The following OGDH variants were observed in gnomAD, a reference collection of about 807,000 sequenced individuals.
The protein encoded by OGDH is 2-oxoglutarate dehydrogenase complex component E1.
OGDH carries 38 observed loss-of-function variants against 116.6 expected under a neutral mutation model. That is an observed-to-expected ratio of 0.33 (90% CI 0.25 to 0.43). OGDH has a LOEUF of 0.43. Ranked by LOEUF, OGDH falls within the 20% of genes least tolerant of loss-of-function variation. The pLI is 1.00. For synonymous variants in OGDH, 488 were observed against 533.3 expected, an observed-to-expected ratio of 0.92 and a Z score of 1.17; for missense variants, 825 against 1,357.2, an observed-to-expected ratio of 0.61 and a Z score of 6.16.
chr7:44,667,700 C>T (rs898103979), intron 5 of OGDH, among the ~76,000 whole-genome samples: 1 of 152,138 alleles, frequency 6.6e-6, no homozygotes, highest in Non-Finnish European at 1.5e-5. Context: ...GACTTCTATG[C>T]CCATTGCAGA....
chr7:44,647,330 G>T lies in OGDH; in HGVS notation c.415-327G>T, dbSNP rs978661731. The T allele has an allele frequency of 6.0e-6, 4 of 669,456 alleles. No homozygotes were observed. The African/African-American group carries it at 7.3e-5, about 12-fold the overall frequency. 41.5% of individuals were successfully genotyped at this position (669,456 alleles called of 1,614,324 possible). A position where few individuals can be genotyped will look rare whatever the true frequency, so the allele number is the denominator to read the frequency against. On this transcript the variant is annotated intron_variant, in intron 3 of 22. Transcript: ENST00000222673. ...TTTAAAAACTAATTTTGTCGTATGG[G>T]TTTATTGGTGCTGTGTTCCTCTTTG...
chr7:44,630,419 A>G (rs1785389316), intron 2 of OGDH, among the ~76,000 whole-genome samples: 1 of 152,200 alleles, frequency 6.6e-6, no homozygotes. Context: ...TCTGCAGAAC[A>G]CTTTGGTGCC....
At chr7:44,634,820 A>G (rs1438186229) in intron 2 of OGDH, among the ~76,000 whole-genome samples, 1 of 152,234 alleles carries the variant, frequency 6.6e-6, no homozygotes, top group Admixed American at 6.5e-5. Context: ...TCCAGAGTCC[A>G]GCTCTACCAT....
chr7:44,695,252 C>T (rs1244748815), intron 12 of OGDH, among the ~76,000 whole-genome samples: 8 of 152,122 alleles, frequency 5.3e-5, no homozygotes, highest in East Asian at 1.9e-4. Context: ...CGAGCCACCA[C>T]GCCTAGCTAA....
At chr7:44,620,005 T>G (rs1653729706) in intron 1 of OGDH, among the ~76,000 whole-genome samples, 1 of 152,194 alleles carries the variant, frequency 6.6e-6, no homozygotes, top group African/African-American at 2.4e-5. Flanking sequence ...ATAAGTTCTT[T>G]GAAGCACAAA....
chr7:44,651,404 G>A (rs1312833646), intron 4 of OGDH, among the ~76,000 whole-genome samples: 1 of 152,174 alleles, frequency 6.6e-6, no homozygotes, highest in Non-Finnish European at 1.5e-5. Flanking sequence ...AGGAGAGACT[G>A]TACAGACACA....
At chr7:44,703,090 G>A (rs1218102808) in intron 20 of OGDH, among the ~76,000 whole-genome samples, 1 of 152,030 alleles carries the variant, frequency 6.6e-6, no homozygotes, top group East Asian at 1.9e-4. Context: ...GTCCATCCAT[G>A]TTGTGTAGCA....
In OGDH at chr7:44,694,027, C is replaced by G. The variant is rs754617744; in HGVS notation, c.1515+23C>G. 6 of 1,594,796 alleles carry G rather than the reference C, an allele frequency of 3.8e-6. No homozygotes were observed. The highest frequency in any genetic ancestry group is 3.4e-5 in the Admixed American group (2 of 59,284). ...TTGGTGAGTGACTCTGGGGACAGCA[C>G]GTCCTGGGCAGAGCATCTGACCCAC... On this transcript the variant is annotated intron_variant, in intron 11 of 22. Transcript: ENST00000222673. This position sits in a 1 kb window ranked among gnomAD's most constrained non-coding sequence, Gnocchi z 4.2.
intron 4 of OGDH, among the ~76,000 whole-genome samples, chr7:44,648,213 A>G (rs1204388041): frequency 2.0e-5 from 3 of 152,100 alleles, no homozygotes; most frequent in South Asian, 4.1e-4. Context: ...CCCTTAGGGG[A>G]CGAATTCTAG....
chr7:44,680,993 G>A (rs1787907333), intron 9 of OGDH, among the ~76,000 whole-genome samples: 2 of 152,192 alleles, frequency 1.3e-5, no homozygotes, highest in Non-Finnish European at 2.9e-5. Flanking sequence ...CAAGGGAGAA[G>A]GGAAAGCTCT....
intron 13 of OGDH, 77 bp from the exon 14 acceptor site, chr7:44,696,352 A>G: frequency 1.3e-6 from 2 of 1,549,680 alleles, no homozygotes; most frequent in East Asian, 2.2e-5. Flanking sequence ...CTTCTCCCCA[A>G]AATCACGTGT....
intron 4 of OGDH, among the ~76,000 whole-genome samples, chr7:44,651,471 T>A (rs1019739497): frequency 6.6e-6 from 1 of 152,230 alleles, no homozygotes; most frequent in African/African-American, 2.4e-5. Context: ...ATGGACACAC[T>A]CTTGCCCTCA....
intron 2 of OGDH, among the ~76,000 whole-genome samples, chr7:44,626,726 G>A (rs535129077): frequency 6.6e-6 from 1 of 152,254 alleles, no homozygotes; most frequent in Non-Finnish European, 1.5e-5. Context: ...TTTTTGTGGG[G>A]GCATGGTGGC....
chr7:44,672,644 GTTT>G (rs539935339), intron 5 of OGDH, among the ~76,000 whole-genome samples: 1 of 134,026 alleles, frequency 7.5e-6, no homozygotes. Flanking sequence ...TTTGTTTTTT[GTTT>G]TTTTTTTTTT....
In OGDH at chr7:44,694,068, C is replaced by T; in HGVS notation, c.1515+64C>T. 1 of 1,514,244 alleles carries T rather than the reference C, an allele frequency of 6.6e-7. No individual in the cohort carries two copies. The highest frequency in any genetic ancestry group is 1.3e-5 in the South Asian group (1 of 79,024). 93.8% of individuals were successfully genotyped at this position (1,514,244 alleles called of 1,614,324 possible). A position where few individuals can be genotyped will look rare whatever the true frequency, so the allele number is the denominator to read the frequency against. On this transcript the variant is annotated intron_variant, in intron 11 of 22. Transcript: ENST00000222673. This position sits in a 1 kb window ranked among gnomAD's most constrained non-coding sequence, Gnocchi z 4.2. The stretch of plus-strand genomic sequence containing the variant: ...TCTGACCCACCCCTCTTGCCCTCGG[C>T]ACCCCTGTGTCCCAAGGAGAGGAGC...
At chr7:44,638,426 C>T (rs1785772477) in intron 2 of OGDH, among the ~76,000 whole-genome samples, 1 of 152,180 alleles carries the variant, frequency 6.6e-6, no homozygotes, top group African/African-American at 2.4e-5. Context: ...CTTAGGTCTT[C>T]AGTGTGTTTG....
At chr7:44,627,389 G>A (rs935431268) in intron 2 of OGDH, among the ~76,000 whole-genome samples, 3 of 152,186 alleles carry the variant, frequency 2.0e-5, no homozygotes, top group African/African-American at 7.2e-5. Flanking sequence ...AGCCTTAGAG[G>A]CATTTCACTT....
At chr7:44,631,531 AACTG>A (rs1350792555) in intron 2 of OGDH, among the ~76,000 whole-genome samples, 1 of 152,236 alleles carries the variant, frequency 6.6e-6, no homozygotes, top group Non-Finnish European at 1.5e-5. Context: ...AAATCAGCTA[AACTG>A]ACTGAGTGCG....
At chr7:44,626,874 C>G (rs2117308606) in intron 2 of OGDH, among the ~76,000 whole-genome samples, 1 of 152,306 alleles carries the variant, frequency 6.6e-6, no homozygotes, top group East Asian at 1.9e-4. Flanking sequence ...CTCCAGCAAT[C>G]CCGGTTGTCA....
Sources: gnomAD v4.1 joint callset for allele counts (sites outside exome capture counted in the v4.1 genomes callset) on GRCh38, gnomAD v4.1.1 for gene constraint, Gnocchi (gnomAD v3.1) non-coding constraint, MANE v1.5 for transcripts, NCBI Gene and HGNC (gene_info 2026-07-23, HGNC 2026-07-21) for gene names.